Variants in PIK3AP1 observed in about 807,000 individuals in gnomAD.
PIK3AP1 encodes phosphoinositide-3-kinase adaptor protein 1.
A neutral mutation model predicts 88.1 loss-of-function variants in PIK3AP1; 21 were observed. The ratio of observed to expected loss-of-function variants is 0.24; its 90% CI spans 0.17 to 0.34. The LOEUF (loss-of-function observed/expected upper bound fraction) is 0.34. PIK3AP1 is among the 10% of genes least tolerant of loss of function. PIK3AP1 has a pLI of 1.00. For synonymous variants in PIK3AP1, 398 were observed against 400.0 expected, an observed-to-expected ratio of 1.00 and a Z score of 0.06; for missense variants, 828 against 1,035.7, an observed-to-expected ratio of 0.80 and a Z score of 2.75.
intron 1 of PIK3AP1, among the ~76,000 whole-genome samples, chr10:96,713,668 C>G (rs1383477402): frequency 6.6e-6 from 1 of 152,094 alleles, no homozygotes; most frequent in African/African-American, 2.4e-5. Flanking sequence ...CAGCTTTACA[C>G]TGTTCTAAAG....
chr10:96,620,201 A>G, intron 12 of PIK3AP1, 151 bp downstream of exon 12: 1 of 842,136 alleles, frequency 1.2e-6, no homozygotes, highest in East Asian at 2.5e-5. Context: ...ACACTCATAC[A>G]CACTCACTGG....
chr10:96,624,710 G>A (rs1843132038), intron 10 of PIK3AP1, among the ~76,000 whole-genome samples: 1 of 151,662 alleles, frequency 6.6e-6, no homozygotes, highest in Admixed American at 6.6e-5. Flanking sequence ...ATCCTATGCT[G>A]AACAGCTGGA....
chr10:96,686,072 G>T (rs1364525601), intron 2 of PIK3AP1, among the ~76,000 whole-genome samples: 1 of 152,120 alleles, frequency 6.6e-6, no homozygotes, highest in African/African-American at 2.4e-5. Flanking sequence ...ATATGAAACT[G>T]CATTTGATGC....
intron 6 of PIK3AP1, 135 bp downstream of exon 6, chr10:96,651,113 T>C: frequency 8.6e-7 from 1 of 1,168,672 alleles, no homozygotes; most frequent in Non-Finnish European, 1.2e-6. Flanking sequence ...AATGAGTCCT[T>C]ATCACAGGAT....
intron 2 of PIK3AP1, among the ~76,000 whole-genome samples, chr10:96,695,948 GAAGAGT>G (rs1317326913): frequency 6.6e-6 from 1 of 152,116 alleles, no homozygotes; most frequent in Non-Finnish European, 1.5e-5. Context: ...GTTTGAACTT[GAAGAGT>G]AATTTTCTGT....
intron 8 of PIK3AP1, among the ~76,000 whole-genome samples, chr10:96,640,774 G>T (rs1163726295): frequency 6.6e-6 from 1 of 151,736 alleles, no homozygotes; most frequent in Non-Finnish European, 1.5e-5. Context: ...TCTCCCACCA[G>T]AGCCTCCTGA....
intron 3 of PIK3AP1, among the ~76,000 whole-genome samples, chr10:96,655,443 G>T (rs564033007): frequency 1.3e-5 from 2 of 152,284 alleles, no homozygotes; most frequent in South Asian, 2.1e-4. Context: ...GGAGGCAGAG[G>T]TTGCAGCGAG....
intron 10 of PIK3AP1, 73 bp from the exon 11 acceptor site, chr10:96,623,610 C>A: frequency 1.5e-6 from 2 of 1,305,972 alleles, no homozygotes; most frequent in Admixed American, 1.7e-5. Context: ...AATAATGAAT[C>A]CATACCTAGG....
At chr10:96,670,451 A>G (rs1458165392) in intron 2 of PIK3AP1, among the ~76,000 whole-genome samples, 1 of 152,246 alleles carries the variant, frequency 6.6e-6, no homozygotes, top group Non-Finnish European at 1.5e-5. Context: ...TGGAAGAGTG[A>G]GAAAATTTCT....
intron 2 of PIK3AP1, among the ~76,000 whole-genome samples, chr10:96,698,927 C>T (rs560138646): frequency 1.4e-3 from 209 of 152,192 alleles, no homozygotes; most frequent in Middle Eastern, 3.4e-3. Flanking sequence ...CCTGTAATCC[C>T]AGCACTTTGG....
At position 96,620,335 on chromosome 10, in the gene PIK3AP1, C is replaced by G; in HGVS notation, c.1941+17G>C. On this transcript the variant is annotated intron_variant, in intron 12 of 16. Coordinates refer to ENST00000339364, the MANE Select transcript of PIK3AP1 (RefSeq NM_152309.3). ...GGGGAAATAGACATGAAACAAATTC[C>G]ATACGAAGCTAGTTACCTGCTGGAA... 2 of 1,612,590 alleles carry G rather than the reference C, an allele frequency of 1.2e-6. No homozygotes were observed. The highest frequency in any genetic ancestry group is 1.7e-4 in the Middle Eastern group (1 of 6,052).
intron 13 of PIK3AP1, among the ~76,000 whole-genome samples, chr10:96,612,656 C>T (rs921545534): frequency 6.6e-6 from 1 of 152,018 alleles, no homozygotes; most frequent in African/African-American, 2.4e-5. Context: ...TTCTAATTGC[C>T]TGAGGCTGTT....
intron 2 of PIK3AP1, among the ~76,000 whole-genome samples, chr10:96,696,774 C>T (rs1339490810): frequency 6.6e-6 from 1 of 152,084 alleles, no homozygotes; most frequent in East Asian, 1.9e-4. Flanking sequence ...GAGCTAATGT[C>T]CATAAACAGA....
chr10:96,605,870 G>A (rs982057456), intron 14 of PIK3AP1, among the ~76,000 whole-genome samples: 1 of 152,180 alleles, frequency 6.6e-6, no homozygotes, highest in African/African-American at 2.4e-5. Flanking sequence ...TGGATCACGA[G>A]GTCAGCAGTT....
intron 2 of PIK3AP1, among the ~76,000 whole-genome samples, chr10:96,688,297 T>C (rs1016121863): frequency 2.0e-5 from 3 of 151,924 alleles, no homozygotes; most frequent in African/African-American, 7.3e-5. Flanking sequence ...GTAAAGGGGG[T>C]TGGTGATAAG....
intron 2 of PIK3AP1, among the ~76,000 whole-genome samples, chr10:96,695,977 T>A (rs1046841082): frequency 7.9e-5 from 12 of 152,190 alleles, no homozygotes; most frequent in Non-Finnish European, 7.3e-5. Context: ...AGAAACACCC[T>A]ATGTTACCGA....
intron 8 of PIK3AP1, among the ~76,000 whole-genome samples, chr10:96,628,889 C>CATACATATAT (rs1843193791): frequency 1.6e-5 from 1 of 60,850 alleles, no homozygotes; most frequent in Non-Finnish European, 3.1e-5. Context: ...TATATATATA[C>CATACATATAT]ATATATATAT....
At chr10:96,640,865 G>A (rs181027993) in intron 8 of PIK3AP1, among the ~76,000 whole-genome samples, 54 of 152,120 alleles carry the variant, frequency 3.5e-4, no homozygotes, top group African/African-American at 1.2e-3. Context: ...ATCTTGCTAT[G>A]CTGCCCAGGC....
At position 96,652,682 on chromosome 10, in the gene PIK3AP1, A is replaced by C; in HGVS notation, c.712+16T>G. ...AATGAAGCCCTATGTCATCACATTC[A>C]CAGGGGACTACTTACTGGGAGCCTT... On this transcript the variant is annotated intron_variant, in intron 4 of 16. Transcript: ENST00000339364. The C allele has an allele frequency of 6.2e-7, 1 of 1,613,740 alleles. No individual in the cohort carries two copies. Among genetic ancestry groups the C allele is most frequent in the East Asian group, 2.2e-5 (1 of 44,884 alleles).
Sources: allele counts gnomAD v4.1 joint callset (sites outside exome capture counted in the v4.1 genomes callset), GRCh38; gene constraint gnomAD v4.1.1; transcripts MANE v1.5; gene names NCBI Gene and HGNC (gene_info 2026-07-23, HGNC 2026-07-21).